Variants in TMEM178A observed in about 807,000 individuals in gnomAD.
TMEM178A encodes the protein transmembrane protein 178.
Under a neutral mutation model 29.1 loss-of-function variants are expected in TMEM178A, and 12 were observed. That is an observed-to-expected ratio of 0.41 (90% CI 0.26 to 0.67). The LOEUF is 0.67. TMEM178A is among the 30% of genes least tolerant of loss of function. The pLI is 0.29. For missense variants in TMEM178A, 366 were observed against 419.1 expected, an observed-to-expected ratio of 0.87 and a Z score of 1.11; for synonymous variants, 210 against 187.2, an observed-to-expected ratio of 1.12 and a Z score of -0.99.
chr2:39,666,232 C>A lies in TMEM178A; in HGVS notation c.258C>A (p.Asp86Glu). The A allele has an allele frequency of 2.2e-6, 3 of 1,348,442 alleles. No homozygotes were observed. Among genetic ancestry groups the A allele is most frequent in the South Asian group, 3.8e-5 (2 of 52,828 alleles). The allele number at this position is 1,348,442 out of a possible 1,614,324, so 83.5% of individuals were successfully genotyped here. A position where few individuals can be genotyped will look rare whatever the true frequency, so the allele number is the denominator to read the frequency against. The change falls in exon 1 of 4, where the codon GAC becomes GAA. Residue 86 changes from aspartate (D) to glutamate (E), a missense_variant. By Grantham distance (45) the Asp-to-Glu change is conservative (BLOSUM62 2). Around this residue, in one of 2 missense-constraint regions of TMEM178A, gnomAD observed 247 missense variants for 246.8 expected, o/e 1.00. Coordinates refer to ENST00000281961, the MANE Select transcript of TMEM178A (RefSeq NM_152390.3). ...TCCCGGGCGGCCCGGGGCGCGCCGA[C>A]CCCGAGTCCTGGCGCTCGCTCCTGG... ...RLLPGGPGRA[D>E]PESWRSLLGL...
intron 1 of TMEM178A, among the ~76,000 whole-genome samples, chr2:39,672,140 A>C (rs1304572784): frequency 6.6e-6 from 1 of 152,224 alleles, no homozygotes; most frequent in African/African-American, 2.4e-5. Flanking sequence ...TGCTAACATC[A>C]TGAAGGTTAT....
At chr2:39,723,271 C>T in the TMEM178A span, among the ~76,000 whole-genome samples, 32 of 152,296 alleles carry the variant, frequency 2.1e-4, no homozygotes, top group East Asian at 2.9e-3. Context: ...ACACATTGCA[C>T]TTATCATATT....
chr2:39,727,493 G>A, the TMEM178A span, among the ~76,000 whole-genome samples: 7 of 152,154 alleles, frequency 4.6e-5, no homozygotes, highest in African/African-American at 9.7e-5. Context: ...TCTCTGAACC[G>A]ACACATTTAC....
chr2:39,703,901 TA>T (rs1671907574), intron 1 of TMEM178A, among the ~76,000 whole-genome samples, 179 bp from the exon 2 acceptor site: 1 of 152,230 alleles, frequency 6.6e-6, no homozygotes, highest in Non-Finnish European at 1.5e-5. Flanking sequence ...TTTAATACAT[TA>T]AAAAATGAAA....
intron 1 of TMEM178A, among the ~76,000 whole-genome samples, chr2:39,699,657 ATG>A (rs1671697536): frequency 6.6e-6 from 1 of 150,958 alleles, no homozygotes; most frequent in African/African-American, 2.4e-5. Flanking sequence ...GGGTCTCACT[ATG>A]TTGCCCAGGC....
At chr2:39,689,420 G>T (rs1045789093) in intron 1 of TMEM178A, among the ~76,000 whole-genome samples, 1 of 152,166 alleles carries the variant, frequency 6.6e-6, no homozygotes, top group Non-Finnish European at 1.5e-5. Flanking sequence ...TCTAGACTCA[G>T]AAAGCAGATC....
chr2:39,667,540 T>C (rs1450209939), intron 1 of TMEM178A, among the ~76,000 whole-genome samples: 2 of 152,124 alleles, frequency 1.3e-5, no homozygotes, highest in South Asian at 2.1e-4. Context: ...TTAGTAGCCA[T>C]GTAGGAAAAC....
chr2:39,729,626 C>A, the TMEM178A span, among the ~76,000 whole-genome samples: 3 of 152,156 alleles, frequency 2.0e-5, no homozygotes, highest in Non-Finnish European at 4.4e-5. Context: ...CCCCTTCTGA[C>A]AAGGGTAACA....
At chr2:39,683,998 G>A (rs1670972050) in intron 1 of TMEM178A, among the ~76,000 whole-genome samples, 1 of 152,188 alleles carries the variant, frequency 6.6e-6, no homozygotes, top group African/African-American at 2.4e-5. Flanking sequence ...ATTGAATTAT[G>A]TATGATCTGT....
chr2:39,731,994 G>A, the TMEM178A span, among the ~76,000 whole-genome samples: 2 of 152,094 alleles, frequency 1.3e-5, no homozygotes, highest in African/African-American at 4.8e-5. Flanking sequence ...CTATATTGGG[G>A]TCTAGTATAA....
At chr2:39,708,285 C>T (rs979853382) in intron 3 of TMEM178A, among the ~76,000 whole-genome samples, 2 of 151,662 alleles carry the variant, frequency 1.3e-5, no homozygotes, top group African/African-American at 4.8e-5. Context: ...GATAGTATCA[C>T]ATGAGGTGGG....
chr2:39,670,626 G>C (rs1254841662), intron 1 of TMEM178A, among the ~76,000 whole-genome samples: 2 of 152,208 alleles, frequency 1.3e-5, no homozygotes, highest in Non-Finnish European at 2.9e-5. Context: ...TCAACTACTG[G>C]ATGAATAGGA....
At chr2:39,735,293 G>A in the TMEM178A span, among the ~76,000 whole-genome samples, 1 of 152,170 alleles carries the variant, frequency 6.6e-6, no homozygotes, top group Admixed American at 6.5e-5. Flanking sequence ...AATGTCTGCA[G>A]ACATTGCCAT....
chr2:39,727,352 G>T, the TMEM178A span, among the ~76,000 whole-genome samples: 1 of 152,160 alleles, frequency 6.6e-6, no homozygotes, highest in South Asian at 2.1e-4. Flanking sequence ...AACAAGATTT[G>T]AAAAGGCTAC....
At chr2:39,721,711 T>C (rs1672709713), downstream of TMEM178A, among the ~76,000 whole-genome samples, 1 of 152,128 alleles carries the variant, frequency 6.6e-6, no homozygotes, top group Admixed American at 6.5e-5. Flanking sequence ...GACTATCAGT[T>C]GGCCAGGTGT....
intron 3 of TMEM178A, among the ~76,000 whole-genome samples, chr2:39,715,574 G>T (rs1318135619): frequency 1.3e-5 from 2 of 152,208 alleles, no homozygotes; most frequent in African/African-American, 4.8e-5. Context: ...GGAGCAAGAA[G>T]TCAGAAGAAA....
intron 3 of TMEM178A, among the ~76,000 whole-genome samples, chr2:39,708,295 G>A (rs1474556013): frequency 6.6e-6 from 1 of 152,068 alleles, no homozygotes; most frequent in Non-Finnish European, 1.5e-5. Flanking sequence ...CATGAGGTGG[G>A]GGAAGTGGGC....
At chr2:39,693,498 T>C (rs1572671983) in intron 1 of TMEM178A, among the ~76,000 whole-genome samples, 2 of 152,350 alleles carry the variant, frequency 1.3e-5, no homozygotes, top group South Asian at 4.1e-4. Context: ...AGGCACTGGA[T>C]GGATGTCAGG....
At chr2:39,710,142 G>T (rs1444567037) in intron 3 of TMEM178A, among the ~76,000 whole-genome samples, 2 of 152,142 alleles carry the variant, frequency 1.3e-5, no homozygotes, top group Non-Finnish European at 2.9e-5. Context: ...AGCACGGGAA[G>T]CTCCTGTGTA....
Sources: allele counts gnomAD v4.1 joint callset (sites outside exome capture counted in the v4.1 genomes callset), GRCh38; gene constraint gnomAD v4.1.1; regional missense constraint gnomAD v4.1.1; transcripts MANE v1.5; gene names NCBI Gene and HGNC (gene_info 2026-07-23, HGNC 2026-07-21).